Variants in GRIA1 observed in about 807,000 individuals in gnomAD.
GRIA1 encodes glutamate receptor 1.
Under a neutral mutation model 99.2 loss-of-function variants are expected in GRIA1, and 31 were observed. The observed-to-expected ratio is 0.31, with a 90% CI of 0.23 to 0.42. The LOEUF (loss-of-function observed/expected upper bound fraction) is 0.42, where lower values mean the gene tolerates loss of function less well. Ranked by LOEUF, GRIA1 falls within the 10% of genes least tolerant of loss-of-function variation. The probability of loss-of-function intolerance (pLI) is 1.00; values close to 1 mark genes in which losing one functional copy is unlikely to be tolerated. For synonymous variants in GRIA1, 438 were observed against 432.4 expected, an observed-to-expected ratio of 1.01 and a Z score of -0.16; for missense variants, 782 against 1,157.5, an observed-to-expected ratio of 0.68 and a Z score of 4.71.
intron 2 of GRIA1, among the ~76,000 whole-genome samples, chr5:153,541,149 A>G (rs753718098): frequency 5.3e-5 from 8 of 152,210 alleles, no homozygotes; most frequent in Non-Finnish European, 1.2e-4. Context: ...TAATCACAGT[A>G]TAAGCAAATT....
At chr5:153,718,274 A>G (rs1426172380) in intron 11 of GRIA1, among the ~76,000 whole-genome samples, 1 of 152,250 alleles carries the variant, frequency 6.6e-6, no homozygotes, top group Non-Finnish European at 1.5e-5. Flanking sequence ...TTAATAGTCA[A>G]TAGGTAAAGA....
chr5:153,750,106 T>C (rs1220532377), intron 11 of GRIA1, among the ~76,000 whole-genome samples: 7 of 152,038 alleles, frequency 4.6e-5, no homozygotes, highest in Admixed American at 4.6e-4. Context: ...TGGTGACAAA[T>C]GGGATGATTT....
At chr5:153,686,455 T>C (rs10073988) in intron 8 of GRIA1, 126 bp downstream of exon 8, 94,241 of 629,662 alleles carry the variant, frequency 0.15, 8,073 homozygotes, top group African/African-American at 0.25. Context: ...ACAACACAGA[T>C]TCTAGACTTG....
chr5:153,627,567 G>T (rs1358678561), intron 2 of GRIA1, among the ~76,000 whole-genome samples: 1 of 148,548 alleles, frequency 6.7e-6, no homozygotes, highest in South Asian at 2.1e-4. Flanking sequence ...ACTAACTCCA[G>T]AGTAAAAGAA....
rs903769601 is a variant in GRIA1 at position 153,801,871 on chromosome 5, G to T, written c.2386-485G>T. On this transcript the variant is annotated intron_variant, in intron 14 of 15. Coordinates refer to ENST00000285900, the MANE Select transcript of GRIA1 (RefSeq NM_000827.4). ...ACATCTAGGGGAAAGTTCATTGTAAGTACCAACTCTCAGAAAAATGCTCGG... is the reference window on the plus strand; with the variant it reads ...ACATCTAGGGGAAAGTTCATTGTAATTACCAACTCTCAGAAAAATGCTCGG... 1.0e-4 allele frequency among the ~76,000 whole-genome samples: 14 copies of T among 134,834 alleles called. No individual in the cohort carries two copies. In the Admixed American group the frequency reaches 1.2e-3, roughly 11 times the overall value. 88.5% of individuals were successfully genotyped at this position (134,834 alleles called of 152,430 possible). A position where few individuals can be genotyped will look rare whatever the true frequency, so the allele number is the denominator to read the frequency against.
At chr5:153,561,853 G>A (rs917422952) in intron 2 of GRIA1, among the ~76,000 whole-genome samples, 2 of 152,184 alleles carry the variant, frequency 1.3e-5, no homozygotes, top group Non-Finnish European at 2.9e-5. Flanking sequence ...GGTAGTGTGA[G>A]GATAAATGTA....
chr5:153,543,544 T>A lies in GRIA1; in HGVS notation c.220+49479T>A, dbSNP rs570575191. 2.0e-5 allele frequency among the ~76,000 whole-genome samples: 3 copies of A among 152,266 alleles called. No homozygotes were observed. The South Asian group carries it at 6.2e-4, about 32-fold the overall frequency. On this transcript the variant is annotated intron_variant, in intron 2 of 15. Transcript: ENST00000285900. ...ACAGGCCATATGATGTCATCATATA[T>A]ATGTAAAGTGCTCAACTGTTGGTTA...
At chr5:153,762,162 T>A (rs1271400237) in intron 11 of GRIA1, among the ~76,000 whole-genome samples, 5 of 152,204 alleles carry the variant, frequency 3.3e-5, no homozygotes, top group Non-Finnish European at 1.5e-5. Context: ...AAGATAATAT[T>A]TTGAATGTTC....
At chr5:153,560,827 G>T (rs1761056308) in intron 2 of GRIA1, among the ~76,000 whole-genome samples, 1 of 152,178 alleles carries the variant, frequency 6.6e-6, no homozygotes, top group Admixed American at 6.5e-5. Context: ...GTACCACTAA[G>T]ATGAGTTTTG....
rs5872317 is a variant in GRIA1, at chr5:153,492,788, A to AG, written c.83-1140_83-1139insG. 3.8e-5 allele frequency among the ~76,000 whole-genome samples: 4 copies of AG among 106,582 alleles called. No individual in the cohort carries two copies. The East Asian group carries it at 5.5e-3, about 146-fold the overall frequency. The allele number at this position is 106,582 out of a possible 152,430, so 69.9% of individuals were successfully genotyped here. Reference sequence around the variant, plus strand: ...TGATAAAGCCATTGCTACTGTTTTCAAAAAAAAAAGAGATTGAAGCATTAA... The same window carrying AG: ...TGATAAAGCCATTGCTACTGTTTTCAGAAAAAAAAAGAGATTGAAGCATTAA... On this transcript the variant is annotated intron_variant, in intron 1 of 15. Transcript: ENST00000285900.
At chr5:153,616,732 T>G (rs1244742053) in intron 2 of GRIA1, among the ~76,000 whole-genome samples, 2 of 152,204 alleles carry the variant, frequency 1.3e-5, no homozygotes, top group Admixed American at 1.3e-4. Context: ...ACAGCACAAT[T>G]CCAAGAGAGG....
intron 2 of GRIA1, among the ~76,000 whole-genome samples, chr5:153,574,734 A>C (rs942340163): frequency 6.6e-6 from 1 of 152,154 alleles, no homozygotes; most frequent in Non-Finnish European, 1.5e-5. Context: ...AAGGAGAAGT[A>C]ATATAGGAGA....
At chr5:153,757,941 A>G (rs1030487024) in intron 11 of GRIA1, among the ~76,000 whole-genome samples, 1 of 152,174 alleles carries the variant, frequency 6.6e-6, no homozygotes, top group Non-Finnish European at 1.5e-5. Flanking sequence ...AATCACTTAC[A>G]TTATTAGTAC....
chr5:153,774,158 A>G (rs1764070888), intron 13 of GRIA1, among the ~76,000 whole-genome samples: 2 of 148,406 alleles, frequency 1.3e-5, no homozygotes, highest in Non-Finnish European at 3.0e-5. Context: ...GACCCAAGAC[A>G]TGGTCAAACT....
intron 2 of GRIA1, among the ~76,000 whole-genome samples, chr5:153,606,654 A>C (rs1765463853): frequency 6.6e-6 from 1 of 152,024 alleles, no homozygotes; most frequent in Non-Finnish European, 1.5e-5. Context: ...TATTATAAAA[A>C]GTGTTCTTAA....
At chr5:153,695,035 G>A (rs1030353140) in intron 8 of GRIA1, among the ~76,000 whole-genome samples, 12 of 152,150 alleles carry the variant, frequency 7.9e-5, no homozygotes, top group Middle Eastern at 3.4e-3. Context: ...AATCATATTT[G>A]ACAGATATTT....
At position 153,805,452 on chromosome 5, in the gene GRIA1, AG is replaced by A. The variant is rs201815716; in HGVS notation, c.2520+2963del. Among the ~76,000 whole-genome samples, 1,144 of 152,332 alleles carry A rather than the reference AG, an allele frequency of 7.5e-3. 17 individuals carry two copies. Among genetic ancestry groups the A allele is most frequent in the African/African-American group, 0.027 (1,109 of 41,576 alleles). On this transcript the variant is annotated intron_variant, in intron 15 of 15. Transcript: ENST00000285900. ...ATGGGAGGGAGCTGCTCTTAGTTAA[AG>A]CAAGTATTGCCGTCAAAACCACCCA... is the stretch of plus-strand genomic sequence containing the variant.
At chr5:153,734,741 T>C (rs556590245) in intron 11 of GRIA1, among the ~76,000 whole-genome samples, 2 of 152,264 alleles carry the variant, frequency 1.3e-5, no homozygotes, top group South Asian at 2.1e-4. Flanking sequence ...CTGGAGGAAG[T>C]TGCATTTAAC....
At chr5:153,730,187 A>T (rs753745391) in intron 11 of GRIA1, among the ~76,000 whole-genome samples, 18 of 152,006 alleles carry the variant, frequency 1.2e-4, no homozygotes, top group Non-Finnish European at 2.4e-4. Flanking sequence ...TTCTGGGGTG[A>T]GGCCTAAGAA....
Sources: gnomAD v4.1 joint callset for allele counts (sites outside exome capture counted in the v4.1 genomes callset) on GRCh38, gnomAD v4.1.1 for gene constraint, MANE v1.5 for transcripts, NCBI Gene and HGNC (gene_info 2026-07-23, HGNC 2026-07-21) for gene names.